Variants in MBOAT1 observed in about 807,000 individuals in gnomAD.
MBOAT1 encodes membrane-bound glycerophospholipid O-acyltransferase 1.
MBOAT1 carries 67 observed loss-of-function variants against 64.4 expected under a neutral mutation model. That is an observed-to-expected ratio of 1.04 (90% CI 0.85 to 1.27). MBOAT1 has a LOEUF of 1.27. Ranked by LOEUF, MBOAT1 falls within the 50% of genes most tolerant of loss-of-function variation. The pLI is 0.00. For missense variants in MBOAT1, 563 were observed against 604.6 expected (o/e 0.93, Z 0.72); for synonymous variants, 229 against 218.9 (o/e 1.05, Z -0.41).
At chr6:20,153,852 A>C (rs561848142) in intron 1 of MBOAT1, among the ~76,000 whole-genome samples, 1 of 152,248 alleles carries the variant, frequency 6.6e-6, no homozygotes. Flanking sequence ...GATTTTAAAA[A>C]ACAATAAGCA....
chr6:20,172,320 C>G (rs6930457), intron 1 of MBOAT1, among the ~76,000 whole-genome samples: 2,268 of 152,068 alleles, frequency 0.015, 59 homozygotes, highest in African/African-American at 0.051. Context: ...TCCCAGCTAC[C>G]CAGGAGGCTG....
chr6:20,190,222 T>C (rs895760491), intron 1 of MBOAT1, among the ~76,000 whole-genome samples: 2 of 152,194 alleles, frequency 1.3e-5, no homozygotes, highest in African/African-American at 4.8e-5. Context: ...CTTGATCTCC[T>C]GACCTCATGA....
rs574847355 is a variant in MBOAT1 at position 20,132,410 on chromosome 6, T to A, written c.420-1211A>T. 5.3e-5 allele frequency among the ~76,000 whole-genome samples: 8 copies of A among 152,328 alleles called. No individual in the cohort carries two copies. In the South Asian group the frequency reaches 1.5e-3, roughly 28 times the overall value. ...AAATAAACCATTTATTGGCCAACAA[T>A]AATACCAACTTTAATTTGGAAAAAG... On this transcript the variant is annotated intron_variant, in intron 4 of 12. Coordinates refer to ENST00000324607, the MANE Select transcript of MBOAT1 (RefSeq NM_001080480.3).
intron 1 of MBOAT1, among the ~76,000 whole-genome samples, chr6:20,157,295 A>T (rs946108452): frequency 6.6e-6 from 1 of 152,204 alleles, no homozygotes; most frequent in South Asian, 2.1e-4. Context: ...TCTTTAATTT[A>T]AAAAATGGGC....
At chr6:20,137,230 C>A (rs1430150231) in intron 4 of MBOAT1, among the ~76,000 whole-genome samples, 1 of 152,178 alleles carries the variant, frequency 6.6e-6, no homozygotes, top group African/African-American at 2.4e-5. Context: ...TAAGAGTTCT[C>A]ATTTCACAGT....
chr6:20,157,063 G>C (rs1197788061), intron 1 of MBOAT1, among the ~76,000 whole-genome samples: 5 of 152,114 alleles, frequency 3.3e-5, no homozygotes, highest in African/African-American at 1.2e-4. Context: ...TGAGAGGACT[G>C]CTTGACACCA....
At chr6:20,197,592 A>C (rs1463547421) in intron 1 of MBOAT1, among the ~76,000 whole-genome samples, 1 of 152,206 alleles carries the variant, frequency 6.6e-6, no homozygotes, top group Non-Finnish European at 1.5e-5. Context: ...ACTCAAAAGA[A>C]TGCAACATTT....
chr6:20,155,548 G>A (rs1474288529), intron 1 of MBOAT1, among the ~76,000 whole-genome samples: 1 of 152,130 alleles, frequency 6.6e-6, no homozygotes, highest in Non-Finnish European at 1.5e-5. Flanking sequence ...ATCTCTTCCA[G>A]GTCTAATGGT....
intron 7 of MBOAT1, chr6:20,125,790 T>C (rs1178792829): frequency 8.3e-6 from 3 of 362,890 alleles, no homozygotes; most frequent in Non-Finnish European, 1.6e-5. Flanking sequence ...AGTTTTCAAA[T>C]ACTTAACTCA....
intron 1 of MBOAT1, among the ~76,000 whole-genome samples, chr6:20,205,416 T>C (rs1385126295): frequency 6.6e-6 from 1 of 152,160 alleles, no homozygotes; most frequent in Non-Finnish European, 1.5e-5. Context: ...CACCTCTTGT[T>C]CCACAACAGG....
At chr6:20,161,237 C>A (rs1360167534) in intron 1 of MBOAT1, among the ~76,000 whole-genome samples, 1 of 151,848 alleles carries the variant, frequency 6.6e-6, no homozygotes, top group African/African-American at 2.4e-5. Flanking sequence ...GAATCGAATG[C>A]CTTACGATCT....
At position 20,128,763 on chromosome 6, in the gene MBOAT1, A is replaced by G. The variant is rs749989610; in HGVS notation, c.476-10T>C. 1.3e-6 allele frequency: 2 copies of G among 1,589,402 alleles called. No individual in the cohort carries two copies. Among genetic ancestry groups the G allele is most frequent in the Non-Finnish European group, 1.7e-6 (2 of 1,169,016 alleles). On this transcript the variant is annotated splice_polypyrimidine_tract_variant and intron_variant, in intron 5 of 12. Coordinates refer to ENST00000324607, the MANE Select transcript of MBOAT1 (RefSeq NM_001080480.3). Reference sequence around the variant, plus strand: ...GCTCTTCGACCTAATCCTATGAAAAAGAAAAGAATTTAGAAATAAGATGTT... The same window carrying G: ...GCTCTTCGACCTAATCCTATGAAAAGGAAAAGAATTTAGAAATAAGATGTT...
At chr6:20,106,904 TA>T (rs1561743812) in intron 12 of MBOAT1, among the ~76,000 whole-genome samples, 2 of 152,320 alleles carry the variant, frequency 1.3e-5, no homozygotes, top group South Asian at 4.1e-4. Flanking sequence ...GGGGTGATTT[TA>T]AAAAGAAGTG....
chr6:20,167,384 G>A (rs888137888), intron 1 of MBOAT1, among the ~76,000 whole-genome samples: 3 of 152,124 alleles, frequency 2.0e-5, no homozygotes, highest in African/African-American at 7.2e-5. Context: ...TAACATATAA[G>A]GGTATGCTCT....
rs1183730482 is a variant in MBOAT1 at position 20,101,876 on chromosome 6, G to A, written c.*410C>T. ...CACGCCTGTAATCCCAGCACTTTGG[G>A]AGGCCGAGGCGGGCGGATCACGAGG... On this transcript the variant is annotated 3_prime_UTR_variant, in exon 13 of 13. Coordinates refer to ENST00000324607, the MANE Select transcript of MBOAT1 (RefSeq NM_001080480.3). Among the ~76,000 whole-genome samples the A allele has an allele frequency of 2.6e-5, 4 of 152,036 alleles. No individual in the cohort carries two copies. Among genetic ancestry groups the A allele is most frequent in the Admixed American group, 6.6e-5 (1 of 15,266 alleles).
chr6:20,133,607 T>C lies in MBOAT1; in HGVS notation c.420-2408A>G, dbSNP rs147750529. On this transcript the variant is annotated intron_variant, in intron 4 of 12. Transcript: ENST00000324607. Reference sequence around the variant, plus strand: ...AACCTCTAGGAACCAGCCTTCCTTATACAAAGCCCAGTGTGCCAACCATGC... The same window carrying C: ...AACCTCTAGGAACCAGCCTTCCTTACACAAAGCCCAGTGTGCCAACCATGC... Among the ~76,000 whole-genome samples the C allele has an allele frequency of 3.7e-4, 56 of 152,348 alleles. 2 individuals carry two copies. In the East Asian group the frequency reaches 0.011, roughly 29 times the overall value.
At chr6:20,174,049 C>G (rs373186114) in intron 1 of MBOAT1, among the ~76,000 whole-genome samples, 1 of 152,136 alleles carries the variant, frequency 6.6e-6, no homozygotes, top group Non-Finnish European at 1.5e-5. Context: ...TGGTTCCTCA[C>G]GAGACAGTTA....
chr6:20,102,234 C>G lies in MBOAT1; in HGVS notation c.*52G>C. The G allele has an allele frequency of 5.1e-6, 8 of 1,571,584 alleles. No homozygotes were observed. Among genetic ancestry groups the G allele is most frequent in the Non-Finnish European group, 6.1e-6 (7 of 1,156,142 alleles). ...GGAGGAGCCCTTGAAGCCTTGTCAT[C>G]TCATCTTTCGAACGTTCTGCAGTTT... On this transcript the variant is annotated 3_prime_UTR_variant, in exon 13 of 13. Transcript: ENST00000324607.
chr6:20,109,774 A>C, intron 11 of MBOAT1, 25 bp from the exon 12 acceptor site: 4 of 1,602,928 alleles, frequency 2.5e-6, no homozygotes, highest in Non-Finnish European at 3.4e-6. Context: ...AGGCAACAGT[A>C]GTGAGGAGGG....
Sources: allele counts gnomAD v4.1 joint callset (sites outside exome capture counted in the v4.1 genomes callset), GRCh38; gene constraint gnomAD v4.1.1; transcripts MANE v1.5; gene names NCBI Gene and HGNC (gene_info 2026-07-23, HGNC 2026-07-21).